ZNF880: variants seen among roughly 807,000 people sequenced by gnomAD.
The protein encoded by ZNF880 is zinc finger protein LOC400713.
In ZNF880, 12 loss-of-function variants were observed where a neutral mutation model predicts 11.8. The observed-to-expected ratio is 1.02, with a 90% CI of 0.65 to 1.65. The LOEUF (loss-of-function observed/expected upper bound fraction) is 1.65, where lower values mean the gene tolerates loss of function less well. ZNF880 is among the 40% of genes most tolerant of loss of function. The pLI is 0.00. For synonymous variants in ZNF880, 210 were observed against 232.4 expected (o/e 0.90, Z 0.88); for missense variants, 601 against 673.9 (o/e 0.89, Z 1.20).
chr19:52,371,396 G>A (rs188676152), intron 1 of ZNF880, among the ~76,000 whole-genome samples: 11 of 151,164 alleles, frequency 7.3e-5, no homozygotes, highest in African/African-American at 2.5e-4. Context: ...TGTCACCCAG[G>A]CTGGAGTCTC....
At position 52,383,927 on chromosome 19, in the gene ZNF880, TG is replaced by T; in HGVS notation, c.348del (p.Ser117ValfsTer26). 1 of 1,560,622 alleles carries T rather than the reference TG, an allele frequency of 6.4e-7. No individual in the cohort carries two copies. Among genetic ancestry groups the T allele is most frequent in the South Asian group, 1.2e-5 (1 of 84,828 alleles). ...NQLGLTFQLH[L>X]SELQLFQAER... ...CTTGGATTAACCTTTCAGTTACATC[TG>T]AGTGAACTGCAGCTATTTCAAGCTG... is the stretch of plus-strand genomic sequence containing the variant. On this transcript the variant is annotated frameshift_variant, in exon 4 of 4. Coordinates refer to ENST00000422689, the MANE Select transcript of ZNF880 (RefSeq NM_001145434.2). LOFTEE classifies it low-confidence loss of function (END_TRUNC).
At chr19:52,383,738 T>C in intron 3 of ZNF880, 111 bp from the exon 4 acceptor site, 1 of 1,139,422 alleles carries the variant, frequency 8.8e-7, no homozygotes, top group Non-Finnish European at 1.2e-6. Context: ...CACAGTATGC[T>C]GATATTCCTT....
At chr19:52,390,811 A>G in the ZNF880 span, 1 of 152,624 alleles carries the variant, frequency 6.6e-6, no homozygotes, top group African/African-American at 2.4e-5. Context: ...GAATGCCTGT[A>G]ATCCCAGCTA....
chr19:52,381,632 T>C (rs1297464800), intron 3 of ZNF880, among the ~76,000 whole-genome samples: 14 of 97,576 alleles, frequency 1.4e-4, no homozygotes, highest in Non-Finnish European at 1.6e-4. Flanking sequence ...ATCTGTAGAT[T>C]TTTTAAATCT....
the ZNF880 span, chr19:52,391,624 A>G: frequency 2.0e-5 from 3 of 152,222 alleles, no homozygotes; most frequent in South Asian, 2.1e-4. Flanking sequence ...TTGATTGGAT[A>G]TTATGATTAA....
upstream of ZNF880, chr19:52,369,911 A>G: frequency 3.2e-6 from 5 of 1,551,334 alleles, no homozygotes; most frequent in Non-Finnish European, 4.4e-6. Context: ...CTCGCCTCTC[A>G]GCTGCGCGCG....
downstream of ZNF880, among the ~76,000 whole-genome samples, chr19:52,388,454 T>A (rs2122441526): frequency 6.6e-6 from 1 of 151,376 alleles, no homozygotes; most frequent in Non-Finnish European, 1.5e-5. Context: ...ATTTTTGTAT[T>A]TTTAATAGAG....
At chr19:52,388,282 C>CTTTTTTTTATTTTTT (rs1986946048), downstream of ZNF880, among the ~76,000 whole-genome samples, 1 of 63,424 alleles carries the variant, frequency 1.6e-5, no homozygotes, top group Non-Finnish European at 2.6e-5. Context: ...GCAATTTGAA[C>CTTTTTTTTATTTTTT]TTTTTTTTTT....
At chr19:52,393,728 G>C in the ZNF880 span, among the ~76,000 whole-genome samples, 5 of 116,942 alleles carry the variant, frequency 4.3e-5, no homozygotes, top group African/African-American at 1.5e-4. Flanking sequence ...AATGTATATG[G>C]TATATGTCTC....
the ZNF880 span, among the ~76,000 whole-genome samples, chr19:52,392,301 T>TCTCC: frequency 6.7e-6 from 1 of 149,276 alleles, no homozygotes; most frequent in Non-Finnish European, 1.5e-5. Context: ...TTTCTCTCTC[T>TCTCC]CTTTCTTTTC....
chr19:52,393,853 T>TTC, the ZNF880 span, among the ~76,000 whole-genome samples: 1 of 144,562 alleles, frequency 6.9e-6, no homozygotes, highest in Admixed American at 7.0e-5. Flanking sequence ...TTTTTTTTTT[T>TTC]TGAGACGGAG....
upstream of ZNF880, among the ~76,000 whole-genome samples, chr19:52,368,844 TTG>T (rs1229781573): frequency 2.0e-5 from 3 of 151,832 alleles, no homozygotes; most frequent in Non-Finnish European, 2.9e-5. Context: ...GGACTGGGCA[TTG>T]TGGCGTGTGC....
intron 3 of ZNF880, among the ~76,000 whole-genome samples, chr19:52,377,513 C>G (rs324087): frequency 4.6e-5 from 7 of 151,900 alleles, no homozygotes; most frequent in African/African-American, 1.7e-4. Context: ...AGGCAAAGGG[C>G]TGAGTTCCCA....
intron 1 of ZNF880, among the ~76,000 whole-genome samples, chr19:52,371,300 G>A (rs766307874): frequency 1.1e-4 from 16 of 151,916 alleles, no homozygotes; most frequent in Non-Finnish European, 5.9e-5. Flanking sequence ...TACTCAGTTA[G>A]GTCATTGTCT....
chr19:52,384,594 C>T lies in ZNF880; in HGVS notation c.1014C>T (p.Gly338=). 6.2e-7 allele frequency: 1 copy of T among 1,612,788 alleles called. No individual in the cohort carries two copies. The highest frequency in any genetic ancestry group is 8.5e-7 in the Non-Finnish European group (1 of 1,179,422). The stretch of plus-strand genomic sequence containing the variant: ...GCAAAGCATTTTCAGGGGGTTCAGG[C>T]CTTACTGCTCATCTTGTAATTCACA... ...ECGKAFSGGS[G]LTAHLVIHTG... Residue 338 remains glycine (G), a synonymous_variant, in exon 4 of 4, where the codon GGC becomes GGT. Coordinates refer to ENST00000422689, the MANE Select transcript of ZNF880 (RefSeq NM_001145434.2).
At chr19:52,380,426 A>G (rs1009677191) in intron 3 of ZNF880, among the ~76,000 whole-genome samples, 2 of 151,900 alleles carry the variant, frequency 1.3e-5, no homozygotes, top group Non-Finnish European at 2.9e-5. Context: ...AGTTATTTGT[A>G]TATCACCTCT....
At chr19:52,378,562 G>C (rs962151802) in intron 3 of ZNF880, among the ~76,000 whole-genome samples, 2 of 147,888 alleles carry the variant, frequency 1.4e-5, no homozygotes, top group Admixed American at 6.9e-5. Context: ...CAGGAGAATC[G>C]CTTCAACCCG....
chr19:52,388,523 G>A (rs1003054104), downstream of ZNF880, among the ~76,000 whole-genome samples: 3 of 151,534 alleles, frequency 2.0e-5, no homozygotes, highest in Admixed American at 6.6e-5. Flanking sequence ...TGATCCACCC[G>A]CCTCAGCCTC....
chr19:52,381,155 G>A (rs927491880), intron 3 of ZNF880, among the ~76,000 whole-genome samples: 1 of 151,744 alleles, frequency 6.6e-6, no homozygotes, highest in Non-Finnish European at 1.5e-5. Flanking sequence ...CCAGTGTGTT[G>A]CCCAGGCTTA....
Sources: gnomAD v4.1 joint callset for allele counts (sites outside exome capture counted in the v4.1 genomes callset) on GRCh38, gnomAD v4.1.1 for gene constraint, MANE v1.5 for transcripts, NCBI Gene and HGNC (gene_info 2026-07-23, HGNC 2026-07-21) for gene names.